Variants in NEGR1 observed in about 807,000 individuals in gnomAD.
The protein encoded by NEGR1 is IgLON family member 4.
A neutral mutation model predicts 40.9 loss-of-function variants in NEGR1; 10 were observed. The ratio of observed to expected loss-of-function variants is 0.24; its 90% CI spans 0.15 to 0.42. NEGR1 has a LOEUF of 0.42. NEGR1 is among the 10% of genes least tolerant of loss of function. The probability of loss-of-function intolerance (pLI) is 1.00; values close to 1 mark genes in which losing one functional copy is unlikely to be tolerated. For synonymous variants in NEGR1, 185 were observed against 166.8 expected (o/e 1.11, Z -0.84); for missense variants, 352 against 438.9 (o/e 0.80, Z 1.77).
intron 1 of NEGR1, among the ~76,000 whole-genome samples, chr1:71,951,047 G>T (rs778119191): frequency 2.2e-4 from 34 of 151,754 alleles, no homozygotes; most frequent in Admixed American, 6.6e-4. Context: ...TATTTTTCAT[G>T]GACTTAGTAC....
chr1:71,756,535 A>C lies in NEGR1; in HGVS notation c.535+19637T>G, dbSNP rs532390006. On this transcript the variant is annotated intron_variant, in intron 3 of 6. Coordinates refer to ENST00000357731, the MANE Select transcript of NEGR1 (RefSeq NM_173808.3). Reference sequence around the variant, plus strand: ...CATAATTATTTCTTGTCATGTCACAAAAGGAAAAATAGAATATACTTCCAT... The same window carrying C: ...CATAATTATTTCTTGTCATGTCACACAAGGAAAAATAGAATATACTTCCAT... Among the ~76,000 whole-genome samples the C allele has an allele frequency of 7.9e-5, 12 of 152,278 alleles. No homozygotes were observed. In the East Asian group the frequency reaches 2.3e-3, roughly 29 times the overall value.
intron 1 of NEGR1, among the ~76,000 whole-genome samples, chr1:72,018,315 T>C (rs148301832): frequency 1.3e-5 from 2 of 152,244 alleles, no homozygotes; most frequent in African/African-American, 4.8e-5. Context: ...TCATAGCCTA[T>C]TGAGTGGAGA....
At chr1:71,822,899 T>C (rs1268243867) in intron 2 of NEGR1, among the ~76,000 whole-genome samples, 1 of 152,016 alleles carries the variant, frequency 6.6e-6, no homozygotes, top group Non-Finnish European at 1.5e-5. Flanking sequence ...GACCATATAA[T>C]GTATTAGAAC....
intron 4 of NEGR1, among the ~76,000 whole-genome samples, chr1:71,671,893 C>CTTTTTTTTTTTTTTTT (rs10708807): frequency 8.2e-6 from 1 of 121,582 alleles, no homozygotes; most frequent in Non-Finnish European, 1.7e-5. Flanking sequence ...CTCTCTCTCT[C>CTTTTTTTTTTTTTTTT]TTTTTTTTTT....
intron 1 of NEGR1, among the ~76,000 whole-genome samples, chr1:72,042,231 C>G (rs2630389): frequency 0.57 from 85,681 of 151,220 alleles, 26,651 homozygotes; most frequent in African/African-American, 0.82. Flanking sequence ...GCACTTCCTT[C>G]GGTTGTCAGA....
chr1:71,455,580 C>T (rs1646667108), intron 6 of NEGR1, among the ~76,000 whole-genome samples: 1 of 152,138 alleles, frequency 6.6e-6, no homozygotes, highest in Non-Finnish European at 1.5e-5. Context: ...AAAAAATCAG[C>T]TGGGCGTGGT....
At chr1:72,254,149 CTT>C (rs1655188476) in intron 1 of NEGR1, among the ~76,000 whole-genome samples, 1 of 152,132 alleles carries the variant, frequency 6.6e-6, no homozygotes, top group South Asian at 2.1e-4. Flanking sequence ...ACATGTACTA[CTT>C]GTCTGAAGTA....
intron 6 of NEGR1, among the ~76,000 whole-genome samples, chr1:71,565,552 T>C (rs142085397): frequency 3.0e-4 from 46 of 152,192 alleles, no homozygotes; most frequent in African/African-American, 1.1e-3. Context: ...GCCCTCTAAA[T>C]AGGACAGAGC....
chr1:71,551,402 T>C (rs1363577017), intron 6 of NEGR1, among the ~76,000 whole-genome samples: 1 of 151,650 alleles, frequency 6.6e-6, no homozygotes, highest in Non-Finnish European at 1.5e-5. Flanking sequence ...CATGTACATA[T>C]ACACACAAAT....
intron 4 of NEGR1, among the ~76,000 whole-genome samples, chr1:71,678,338 C>A (rs532198386): frequency 2.4e-4 from 37 of 152,108 alleles, no homozygotes; most frequent in Non-Finnish European, 4.6e-4. Context: ...TTTCTCTTTA[C>A]TACTTTACAA....
In NEGR1 at chr1:72,282,347, C is replaced by T. The variant is rs1457410051; in HGVS notation, c.148G>A (p.Val50Ile). ...AGCACCGCCGTGTCCCCTTTTCTGA[C>T]CATCATGTTGTCCACGGCCGCCCAG... ...FPWAAVDNMM[V>I]RKGDTAVLRC... Residue 50 changes from valine (V) to isoleucine (I), a missense_variant, in exon 1 of 7, where the codon GTC (valine) becomes ATC (isoleucine). Around this residue, in one of 5 missense-constraint regions of NEGR1, gnomAD observed 81 missense variants for 85.8 expected, o/e 0.94. Transcript: ENST00000357731. 1 of 1,614,108 alleles carries T rather than the reference C, an allele frequency of 6.2e-7. No individual in the cohort carries two copies. Among genetic ancestry groups the T allele is most frequent in the Non-Finnish European group, 8.5e-7 (1 of 1,179,998 alleles).
chr1:71,496,770 G>T (rs932413449), intron 6 of NEGR1, among the ~76,000 whole-genome samples: 1 of 152,060 alleles, frequency 6.6e-6, no homozygotes, highest in Non-Finnish European at 1.5e-5. Context: ...ATGTGCAATA[G>T]ATCAGTAACA....
intron 6 of NEGR1, among the ~76,000 whole-genome samples, chr1:71,524,476 T>C (rs1210990913): frequency 6.6e-6 from 1 of 151,742 alleles, no homozygotes; most frequent in East Asian, 1.9e-4. Context: ...AAACATTTAC[T>C]ATAAAAGTCA....
At chr1:71,485,337 TC>T (rs1311056589) in intron 6 of NEGR1, among the ~76,000 whole-genome samples, 2 of 151,530 alleles carry the variant, frequency 1.3e-5, no homozygotes, top group African/African-American at 4.8e-5. Context: ...ACATAGAACT[TC>T]CCATATACCC....
intron 2 of NEGR1, among the ~76,000 whole-genome samples, chr1:71,929,179 AC>A (rs1226213028): frequency 1.3e-5 from 2 of 152,146 alleles, no homozygotes; most frequent in Non-Finnish European, 2.9e-5. Flanking sequence ...GTACAAAAAA[AC>A]ATGGACAATT....
rs916753905 is a variant in NEGR1 at position 71,704,156 on chromosome 1, C to G, written c.536-6017G>C. Among the ~76,000 whole-genome samples the G allele has an allele frequency of 2.9e-5, 4 of 137,178 alleles. No homozygotes were observed. The East Asian group carries it at 8.0e-4, about 27-fold the overall frequency. The allele number at this position is 137,178 out of a possible 152,430, so 90.0% of individuals were successfully genotyped here. A position where few individuals can be genotyped will look rare whatever the true frequency, so the allele number is the denominator to read the frequency against. On this transcript the variant is annotated intron_variant, in intron 3 of 6. Coordinates refer to ENST00000357731, the MANE Select transcript of NEGR1 (RefSeq NM_173808.3). Reference sequence around the variant, plus strand: ...GAGAAAATAGAATCTCTCTCTCTCTCTCTCTGTCACACACACACACACACA... The same window carrying G: ...GAGAAAATAGAATCTCTCTCTCTCTGTCTCTGTCACACACACACACACACA...
intron 6 of NEGR1, among the ~76,000 whole-genome samples, chr1:71,577,221 C>T (rs1039050487): frequency 6.6e-6 from 1 of 152,120 alleles, no homozygotes; most frequent in Admixed American, 6.5e-5. Context: ...TGGAGGGTCT[C>T]TAAGCACTTT....
chr1:71,959,510 T>A (rs1377050026), intron 1 of NEGR1, among the ~76,000 whole-genome samples: 1 of 152,154 alleles, frequency 6.6e-6, no homozygotes, highest in Non-Finnish European at 1.5e-5. Flanking sequence ...AAAACATGCA[T>A]GATAAATTGT....
At chr1:71,685,942 G>T (rs1449048203) in intron 4 of NEGR1, among the ~76,000 whole-genome samples, 1 of 109,086 alleles carries the variant, frequency 9.2e-6, no homozygotes, top group East Asian at 2.7e-4. Flanking sequence ...TGTCAGAAAA[G>T]TTTATGTCAG....
Sources: allele counts gnomAD v4.1 joint callset (sites outside exome capture counted in the v4.1 genomes callset), GRCh38; gene constraint gnomAD v4.1.1; regional missense constraint gnomAD v4.1.1; transcripts MANE v1.5; gene names NCBI Gene and HGNC (gene_info 2026-07-23, HGNC 2026-07-21).